TOM1L2: variants seen among roughly 807,000 people sequenced by gnomAD.
The protein encoded by TOM1L2 is target of myb1 like 2 membrane trafficking protein.
Under a neutral mutation model 67.9 loss-of-function variants are expected in TOM1L2, and 31 were observed. The ratio of observed to expected loss-of-function variants is 0.46; its 90% CI spans 0.34 to 0.62. TOM1L2 has a LOEUF of 0.62. TOM1L2 is among the 20% of genes least tolerant of loss of function. TOM1L2 has a pLI of 0.01. For missense variants in TOM1L2, 606 were observed against 663.5 expected (o/e 0.91, Z 0.95); for synonymous variants, 256 against 254.0 (o/e 1.01, Z -0.07).
Position 17,894,776 on chromosome 17 carries a change from C to T in TOM1L2, c.217-966G>A, listed in dbSNP as rs116345190. Reference sequence around the variant, plus strand: ...CGAAGCCCTGCGTCTACTACAAATACAAAAACTAGCCAGGCTTGGTGGCAC... The same window carrying T: ...CGAAGCCCTGCGTCTACTACAAATATAAAAACTAGCCAGGCTTGGTGGCAC... On this transcript the variant is annotated intron_variant, in intron 3 of 14. Transcript: ENST00000379504. 5.0e-3 allele frequency among the ~76,000 whole-genome samples: 754 copies of T among 152,302 alleles called. 8 individuals carry two copies. Among genetic ancestry groups the T allele is most frequent in the African/African-American group, 0.017 (708 of 41,578 alleles).
chr17:17,888,390 A>G (rs1001637070), intron 4 of TOM1L2, among the ~76,000 whole-genome samples: 5 of 152,244 alleles, frequency 3.3e-5, no homozygotes, highest in African/African-American at 9.6e-5. Flanking sequence ...TGTATCCCTG[A>G]AAGTTTTGAC....
At chr17:17,883,329 GAAC>G (rs1335600321) in intron 5 of TOM1L2, among the ~76,000 whole-genome samples, 2 of 152,112 alleles carry the variant, frequency 1.3e-5, no homozygotes, top group African/African-American at 2.4e-5. Flanking sequence ...GTAATTATAG[GAAC>G]AACAACACTG....
At chr17:17,856,056 C>T (rs1035067353) in intron 12 of TOM1L2, among the ~76,000 whole-genome samples, 6 of 152,272 alleles carry the variant, frequency 3.9e-5, no homozygotes, top group South Asian at 2.1e-4. Flanking sequence ...TGGAGCTCTA[C>T]GTGGGACCTG....
At chr17:17,904,761 C>T (rs1292014120) in intron 2 of TOM1L2, among the ~76,000 whole-genome samples, 1 of 152,172 alleles carries the variant, frequency 6.6e-6, no homozygotes, top group African/African-American at 2.4e-5. Flanking sequence ...CCCTGTCTAT[C>T]CTAGACAGCT....
intron 1 of TOM1L2, among the ~76,000 whole-genome samples, chr17:17,912,587 G>C (rs1476565776): frequency 6.6e-6 from 1 of 151,156 alleles, no homozygotes. Flanking sequence ...CTCAGACGAT[G>C]GGCGGCCGGG....
intron 1 of TOM1L2, among the ~76,000 whole-genome samples, chr17:17,948,735 T>C (rs1598392463): frequency 6.6e-6 from 1 of 151,904 alleles, no homozygotes; most frequent in Non-Finnish European, 1.5e-5. Context: ...CTGCCTTCAG[T>C]TCACACCCCC....
At chr17:17,863,466 G>A (rs1014093101) in intron 10 of TOM1L2, 3 of 152,350 alleles carry the variant, frequency 2.0e-5, no homozygotes, top group Non-Finnish European at 4.4e-5. Context: ...AGGCCAGGGT[G>A]TGTGAAGTGA....
intron 1 of TOM1L2, among the ~76,000 whole-genome samples, chr17:17,911,659 ATTTT>A (rs1212166306): frequency 2.0e-5 from 3 of 150,678 alleles, no homozygotes; most frequent in African/African-American, 4.9e-5. Context: ...TTTTTTTTTA[ATTTT>A]TTTATTTTTT....
chr17:17,931,668 T>C (rs2144705498), intron 1 of TOM1L2, among the ~76,000 whole-genome samples: 1 of 152,364 alleles, frequency 6.6e-6, no homozygotes, highest in South Asian at 2.1e-4. Context: ...CAGAGTTATC[T>C]AAAAGCCTGA....
intron 2 of TOM1L2, among the ~76,000 whole-genome samples, chr17:17,901,228 A>C (rs1005869383): frequency 6.6e-6 from 1 of 152,246 alleles, no homozygotes; most frequent in African/African-American, 2.4e-5. Flanking sequence ...GTCAAAGGAA[A>C]CACAAAGTTT....
intron 1 of TOM1L2, among the ~76,000 whole-genome samples, chr17:17,952,401 TTTTTTTTTG>T (rs2041247968): frequency 7.3e-6 from 1 of 137,094 alleles, no homozygotes. Flanking sequence ...TTTTTTTTTT[TTTTTTTTTG>T]AGACAGGATT....
At chr17:17,891,663 A>G (rs150666718) in intron 4 of TOM1L2, among the ~76,000 whole-genome samples, 1 of 152,284 alleles carries the variant, frequency 6.6e-6, no homozygotes, top group Non-Finnish European at 1.5e-5. Flanking sequence ...GCTTTGTGAG[A>G]AGAAGCCACC....
intron 10 of TOM1L2, among the ~76,000 whole-genome samples, 167 bp downstream of exon 10, chr17:17,866,129 T>C (rs948754134): frequency 1.3e-5 from 2 of 152,174 alleles, no homozygotes; most frequent in African/African-American, 4.8e-5. Flanking sequence ...AAAAAAGGTA[T>C]GAATTGAAAG....
chr17:17,947,441 T>C (rs1170190484), intron 1 of TOM1L2, among the ~76,000 whole-genome samples: 6 of 152,102 alleles, frequency 3.9e-5, no homozygotes, highest in South Asian at 2.1e-4. Flanking sequence ...GGAGACAGGG[T>C]CTTTAAAGAA....
intron 1 of TOM1L2, among the ~76,000 whole-genome samples, chr17:17,970,504 T>C (rs753703432): frequency 1.3e-5 from 2 of 152,168 alleles, no homozygotes; most frequent in Non-Finnish European, 2.9e-5. Context: ...ATTAACTGGC[T>C]GGAAATTAGT....
rs763013628 is a variant in TOM1L2 at position 17,843,786 on chromosome 17, T to A, written c.*3849A>T. ...AATCCTCACAATTAAGTGCAAACTT[T>A]AGGAAATAAATATCCGTCCCCCTCT... On this transcript the variant is annotated 3_prime_UTR_variant, in exon 15 of 15. Coordinates refer to ENST00000379504, the MANE Select transcript of TOM1L2 (RefSeq NM_001082968.2). 5.2e-5 allele frequency: 8 copies of A among 152,598 alleles called. No individual in the cohort carries two copies. The highest frequency in any genetic ancestry group is 1.2e-4 in the Non-Finnish European group (8 of 68,044). 9.5% of individuals were successfully genotyped at this position (152,598 alleles called of 1,614,324 possible). A position where few individuals can be genotyped will look rare whatever the true frequency, so the allele number is the denominator to read the frequency against.
At chr17:17,918,912 C>A (rs925760759) in intron 1 of TOM1L2, among the ~76,000 whole-genome samples, 2 of 152,176 alleles carry the variant, frequency 1.3e-5, no homozygotes, top group African/African-American at 4.8e-5. Context: ...TGATGAGGGC[C>A]CTTTATAAGT....
chr17:17,878,871 G>A (rs2037563057), intron 7 of TOM1L2, among the ~76,000 whole-genome samples: 1 of 152,238 alleles, frequency 6.6e-6, no homozygotes, highest in Non-Finnish European at 1.5e-5. Flanking sequence ...AGGGTCATCT[G>A]AGGCTGGGTG....
At chr17:17,902,963 A>G (rs2038922871) in intron 2 of TOM1L2, among the ~76,000 whole-genome samples, 1 of 152,208 alleles carries the variant, frequency 6.6e-6, no homozygotes, top group South Asian at 2.1e-4. Flanking sequence ...GGCTCGCACA[A>G]TAAGCGAGTG....
Sources: gnomAD v4.1 joint callset for allele counts (sites outside exome capture counted in the v4.1 genomes callset) on GRCh38, gnomAD v4.1.1 for gene constraint, MANE v1.5 for transcripts, NCBI Gene and HGNC (gene_info 2026-07-23, HGNC 2026-07-21) for gene names.